MOGAT2: variants seen among roughly 807,000 people sequenced by gnomAD.
MOGAT2 encodes the protein 2-acylglycerol O-acyltransferase 2.
A neutral mutation model predicts 31.5 loss-of-function variants in MOGAT2; 27 were observed. That is an observed-to-expected ratio of 0.86 (90% CI 0.63 to 1.18). The LOEUF is 1.18. Ranked by LOEUF, MOGAT2 falls within the 50% of genes most tolerant of loss-of-function variation. MOGAT2 has a pLI of 0.00. For missense variants in MOGAT2, 436 were observed against 433.2 expected, an observed-to-expected ratio of 1.01 and a Z score of -0.06; for synonymous variants, 163 against 170.0, an observed-to-expected ratio of 0.96 and a Z score of 0.32.
chr11:75,727,589 T>A lies in MOGAT2; in HGVS notation c.425T>A (p.Leu142Gln). ...FPGIRPHLMM[L>Q]TLWFRAPFFR... ...GGTATCCGCCCCCATCTGATGATGC[T>A]GACCTTGTGGTTCCGGGCCCCCTTC... The change falls in exon 3 of 6, where the codon CTG (leucine) becomes CAG (glutamine). Residue 142 changes from leucine (L) to glutamine (Q), a missense_variant. Coordinates refer to ENST00000198801, the MANE Select transcript of MOGAT2 (RefSeq NM_025098.4). The A allele has an allele frequency of 6.2e-7, 1 of 1,614,222 alleles. No individual in the cohort carries two copies. Among genetic ancestry groups the A allele is most frequent in the Non-Finnish European group, 8.5e-7 (1 of 1,180,032 alleles).
chr11:75,720,597 A>C (rs1944369154), intron 2 of MOGAT2, among the ~76,000 whole-genome samples: 1 of 152,212 alleles, frequency 6.6e-6, no homozygotes, highest in South Asian at 2.1e-4. Context: ...AAATGTCACC[A>C]AGGTCACACA....
At chr11:75,726,361 A>G (rs989664143) in intron 2 of MOGAT2, among the ~76,000 whole-genome samples, 5 of 152,190 alleles carry the variant, frequency 3.3e-5, no homozygotes, top group African/African-American at 1.2e-4. Context: ...TCATTCCCAC[A>G]TCTGAAGTGC....
intron 5 of MOGAT2, among the ~76,000 whole-genome samples, chr11:75,730,456 C>T (rs1032211507): frequency 6.6e-6 from 1 of 152,234 alleles, no homozygotes; most frequent in Non-Finnish European, 1.5e-5. Context: ...GGGTCTAAAA[C>T]CTGGCAGTGG....
chr11:75,730,517 C>G (rs557214362), intron 5 of MOGAT2, among the ~76,000 whole-genome samples: 28 of 152,340 alleles, frequency 1.8e-4, no homozygotes, highest in Middle Eastern at 3.4e-3. Context: ...CTCTGAGCCT[C>G]ATTGACTCAT....
In MOGAT2 at chr11:75,727,492, C is replaced by G. The variant is rs1413599846; in HGVS notation, c.328C>G (p.His110Asp). The change falls in exon 3 of 6, where the codon CAT (histidine) becomes GAT (aspartate). Residue 110 changes from histidine (H) to aspartate (D), a missense_variant. Coordinates refer to ENST00000198801, the MANE Select transcript of MOGAT2 (RefSeq NM_025098.4). ...SRNYIAGFHP[H>D]GVLAVGAFAN... is the part of the protein sequence containing the mutation. The stretch of plus-strand genomic sequence containing the variant: ...GAACTACATTGCGGGCTTCCACCCC[C>G]ATGGAGTCCTGGCAGTCGGAGCCTT... 4 of 1,614,164 alleles carry G rather than the reference C, an allele frequency of 2.5e-6. No individual in the cohort carries two copies. The highest frequency in any genetic ancestry group is 3.4e-6 in the Non-Finnish European group (4 of 1,180,018).
rs1355515912 is a variant in MOGAT2 at position 75,731,675 on chromosome 11, C to G, written c.*389C>G. ...TTCTGTTGGTCGAAGCAAGTCACAA[C>G]CCAGCAGATTCAAGGAGTAAGGAAT... On this transcript the variant is annotated 3_prime_UTR_variant, in exon 6 of 6. Coordinates refer to ENST00000198801, the MANE Select transcript of MOGAT2 (RefSeq NM_025098.4). 1 of 165,428 alleles carries G rather than the reference C, an allele frequency of 6.0e-6. No individual in the cohort carries two copies. The allele number at this position is 165,428 out of a possible 1,614,324, so 10.2% of individuals were successfully genotyped here. A position where few individuals can be genotyped will look rare whatever the true frequency, so the allele number is the denominator to read the frequency against.
At position 75,728,982 on chromosome 11, in the gene MOGAT2, C is replaced by A; in HGVS notation, c.843C>A (p.Thr281=). 6 of 1,613,700 alleles carry A rather than the reference C, an allele frequency of 3.7e-6. No individual in the cohort carries two copies. The highest frequency in any genetic ancestry group is 5.1e-6 in the Non-Finnish European group (6 of 1,180,032). ...TAATACCCTACCGCCGGCCCATCAC[C>A]ACTGTGGGTAAGTCCAGGACCAGGC... The part of the protein sequence containing the change: ...FGLIPYRRPI[T]TVVGKPIEVQ... Residue 281 remains threonine, a synonymous_variant, in exon 5 of 6, where the codon ACC becomes ACA. Transcript: ENST00000198801.
In MOGAT2 at chr11:75,727,524, C is replaced by G. The variant is rs1254956470; in HGVS notation, c.360C>G (p.Asn120Lys). Reference protein sequence around the residue: ...HGVLAVGAFANLCTESTGFSS... With the variant: ...HGVLAVGAFAKLCTESTGFSS... Reference sequence around the variant, plus strand: ...TCCTGGCAGTCGGAGCCTTTGCCAACCTGTGCACTGAGAGCACAGGCTTCT... The same window carrying G: ...TCCTGGCAGTCGGAGCCTTTGCCAAGCTGTGCACTGAGAGCACAGGCTTCT... The change falls in exon 3 of 6, where the codon AAC (asparagine) becomes AAG (lysine). Residue 120 changes from asparagine to lysine, a missense_variant. Transcript: ENST00000198801. 1 of 1,614,054 alleles carries G rather than the reference C, an allele frequency of 6.2e-7. No homozygotes were observed. Among genetic ancestry groups the G allele is most frequent in the Non-Finnish European group, 8.5e-7 (1 of 1,180,026 alleles).
At chr11:75,723,428 C>T (rs1944394546) in intron 2 of MOGAT2, among the ~76,000 whole-genome samples, 1 of 152,070 alleles carries the variant, frequency 6.6e-6, no homozygotes, top group Non-Finnish European at 1.5e-5. Flanking sequence ...CCTGTAGACG[C>T]TCTTTCCATA....
chr11:75,731,676 C>T lies in MOGAT2; in HGVS notation c.*390C>T, dbSNP rs1172907587. The stretch of plus-strand genomic sequence containing the variant: ...TCTGTTGGTCGAAGCAAGTCACAAC[C>T]CAGCAGATTCAAGGAGTAAGGAATA... On this transcript the variant is annotated 3_prime_UTR_variant, in exon 6 of 6. Transcript: ENST00000198801. The T allele has an allele frequency of 1.2e-5, 2 of 164,750 alleles. No individual in the cohort carries two copies. The highest frequency in any genetic ancestry group is 1.8e-4 in the East Asian group (1 of 5,666). The allele number at this position is 164,750 out of a possible 1,614,324, so 10.2% of individuals were successfully genotyped here.
chr11:75,725,282 G>A (rs768295337), intron 2 of MOGAT2, among the ~76,000 whole-genome samples: 6 of 152,084 alleles, frequency 3.9e-5, no homozygotes, highest in African/African-American at 7.2e-5. Flanking sequence ...GGCCAGGCAC[G>A]GAGGCTCACA....
chr11:75,727,241 C>A (rs1441267452), intron 2 of MOGAT2, among the ~76,000 whole-genome samples, 194 bp from the exon 3 acceptor site: 3 of 152,262 alleles, frequency 2.0e-5, no homozygotes, highest in East Asian at 3.9e-4. Context: ...GTCTGTGGCA[C>A]AGCCAGCACC....
chr11:75,728,628 T>C, intron 4 of MOGAT2, 162 bp from the exon 5 acceptor site: 2 of 637,266 alleles, frequency 3.1e-6, no homozygotes, highest in Non-Finnish European at 5.5e-6. Context: ...AGAATGGGGC[T>C]GTGAAGGTCT....
chr11:75,720,741 ATCCTGTTCTGAGGC>A (rs1944370022), intron 2 of MOGAT2, among the ~76,000 whole-genome samples: 1 of 152,004 alleles, frequency 6.6e-6, no homozygotes, highest in African/African-American at 2.4e-5. Context: ...GCAAAGCTTT[ATCCTGTTCTGAGGC>A]TCAGTCTCCC....
intron 2 of MOGAT2, among the ~76,000 whole-genome samples, chr11:75,722,666 C>G (rs1001377206): frequency 1.3e-5 from 2 of 152,242 alleles, no homozygotes; most frequent in African/African-American, 2.4e-5. Context: ...GGAGGACATT[C>G]CGCAGGACTG....
Position 75,728,765 on chromosome 11 carries a change from C to A in MOGAT2, c.651-25C>A, listed in dbSNP as rs766943418. 4 of 1,605,820 alleles carry A rather than the reference C, an allele frequency of 2.5e-6. 1 individual carries two copies. The South Asian group carries it at 4.4e-5, about 18-fold the overall frequency. On this transcript the variant is annotated intron_variant, in intron 4 of 5. Coordinates refer to ENST00000198801, the MANE Select transcript of MOGAT2 (RefSeq NM_025098.4). ...TGCCTTCTCTGGGGCCTCCCACATG[C>A]CCTCTTTCCTCTATTTGTCTCCAGG...
chr11:75,729,928 A>G (rs979635332), intron 5 of MOGAT2, among the ~76,000 whole-genome samples: 1 of 151,470 alleles, frequency 6.6e-6, no homozygotes, highest in South Asian at 2.1e-4. Flanking sequence ...TATTTTTAGT[A>G]GAGACAGGGT....
intron 2 of MOGAT2, among the ~76,000 whole-genome samples, chr11:75,724,317 T>C (rs1391267836): frequency 1.3e-5 from 2 of 152,112 alleles, no homozygotes; most frequent in Non-Finnish European, 2.9e-5. Flanking sequence ...AGATACATGG[T>C]CTGTAATCTT....
In MOGAT2 at chr11:75,727,977, C is replaced by A; in HGVS notation, c.483C>A (p.Val161=). Residue 161 remains valine (V), a synonymous_variant, in exon 4 of 6, where the codon GTC becomes GTA. Coordinates refer to ENST00000198801, the MANE Select transcript of MOGAT2 (RefSeq NM_025098.4). The stretch of plus-strand genomic sequence containing the variant: ...ACTTTTCTCTTTCCCTAGGGTTGGT[C>A]ACATCAGAAAAGGAGAGTGCTGCTC... ...FRDYIMSAGL[V]TSEKESAAHI... 1 of 1,607,052 alleles carries A rather than the reference C, an allele frequency of 6.2e-7. No individual in the cohort carries two copies. Among genetic ancestry groups the A allele is most frequent in the South Asian group, 1.1e-5 (1 of 90,304 alleles).
Sources: gnomAD v4.1 joint callset for allele counts (sites outside exome capture counted in the v4.1 genomes callset) on GRCh38, gnomAD v4.1.1 for gene constraint, MANE v1.5 for transcripts, NCBI Gene and HGNC (gene_info 2026-07-23, HGNC 2026-07-21) for gene names.